GLIS3: variants seen among roughly 807,000 people sequenced by gnomAD.
GLIS3 encodes the protein GLIS family zinc finger 3.
A neutral mutation model predicts 78.6 loss-of-function variants in GLIS3; 53 were observed. The observed-to-expected ratio is 0.67, with a 90% CI of 0.54 to 0.85. The LOEUF (loss-of-function observed/expected upper bound fraction) is 0.85. Ranked by LOEUF, GLIS3 falls within the 40% of genes least tolerant of loss-of-function variation. The pLI, the probability that GLIS3 is intolerant of heterozygous loss-of-function variation, is 0.00. For missense variants in GLIS3, 1,703 were observed against 1,231.1 expected, an observed-to-expected ratio of 1.38 and a Z score of -5.74; for synonymous variants, 684 against 509.9, an observed-to-expected ratio of 1.34 and a Z score of -4.60.
chr9:4,136,543 T>A (rs1366952330), intron 2 of GLIS3, among the ~76,000 whole-genome samples: 3 of 152,146 alleles, frequency 2.0e-5, no homozygotes, highest in Non-Finnish European at 2.9e-5. Flanking sequence ...CCAAATAATA[T>A]TTAAAGTACA....
chr9:4,274,370 C>G (rs1826798548), intron 2 of GLIS3, among the ~76,000 whole-genome samples: 1 of 152,072 alleles, frequency 6.6e-6, no homozygotes, highest in Non-Finnish European at 1.5e-5. Flanking sequence ...TCATTTGCTA[C>G]TTAACATTGA....
At chr9:4,436,169 G>C in the GLIS3 span, among the ~76,000 whole-genome samples, 1 of 152,136 alleles carries the variant, frequency 6.6e-6, no homozygotes, top group Non-Finnish European at 1.5e-5. Context: ...CATAGTTACA[G>C]ATATGAAGAT....
At chr9:4,233,048 TAAG>T (rs1277104175) in intron 2 of GLIS3, among the ~76,000 whole-genome samples, 1 of 152,184 alleles carries the variant, frequency 6.6e-6, no homozygotes, top group Non-Finnish European at 1.5e-5. Context: ...CTTATATTAA[TAAG>T]GAGGATGAGC....
intron 2 of GLIS3, among the ~76,000 whole-genome samples, chr9:4,332,925 T>C (rs879433761): frequency 6.6e-6 from 1 of 152,252 alleles, no homozygotes; most frequent in African/African-American, 2.4e-5. Flanking sequence ...TTTATTATTG[T>C]GACTAACAGG....
chr9:4,293,035 G>A (rs1816159146), intron 1 of GLIS3, among the ~76,000 whole-genome samples: 1 of 152,132 alleles, frequency 6.6e-6, no homozygotes, highest in African/African-American at 2.4e-5. Flanking sequence ...ATAACTGGCT[G>A]GAGATGTTTC....
chr9:4,198,063 G>A (rs1013772440), intron 2 of GLIS3, among the ~76,000 whole-genome samples: 1 of 152,068 alleles, frequency 6.6e-6, no homozygotes, highest in Non-Finnish European at 1.5e-5. Context: ...AGATGAGAAG[G>A]AACCAGTGCA....
At chr9:4,197,914 G>GAAGGGAGGGGAAAGGGA (rs1563740348) in intron 2 of GLIS3, among the ~76,000 whole-genome samples, 2 of 151,798 alleles carry the variant, frequency 1.3e-5, no homozygotes, top group African/African-American at 4.8e-5. Flanking sequence ...CGCCCCCTAG[G>GAAGGGAGGGGAAAGGGA]AAGGGAGGGG....
At chr9:4,060,521 T>A (rs1166598556) in intron 4 of GLIS3, among the ~76,000 whole-genome samples, 1 of 152,198 alleles carries the variant, frequency 6.6e-6, no homozygotes, top group Non-Finnish European at 1.5e-5. Context: ...ATGACAGCTC[T>A]GCCCTCATGA....
intron 5 of GLIS3, among the ~76,000 whole-genome samples, chr9:3,933,618 C>T (rs1364929245): frequency 6.6e-6 from 1 of 152,114 alleles, no homozygotes; most frequent in Non-Finnish European, 1.5e-5. Context: ...TAGAGCTGTG[C>T]TTGTATGATG....
chr9:4,180,439 C>T (rs1169307941), intron 2 of GLIS3, among the ~76,000 whole-genome samples: 1 of 152,190 alleles, frequency 6.6e-6, no homozygotes, highest in Non-Finnish European at 1.5e-5. Flanking sequence ...TCTGTTTCCT[C>T]ATCAGCAAGG....
chr9:4,419,010 T>A, the GLIS3 span, among the ~76,000 whole-genome samples: 1 of 152,190 alleles, frequency 6.6e-6, no homozygotes, highest in Non-Finnish European at 1.5e-5. Context: ...TTTGGAAATA[T>A]GACACAGGCC....
chr9:4,162,993 G>T (rs1040304077), intron 2 of GLIS3, among the ~76,000 whole-genome samples: 3 of 151,966 alleles, frequency 2.0e-5, no homozygotes, highest in African/African-American at 7.3e-5. Context: ...CCTAAGTAGG[G>T]TACTTTCTAC....
At chr9:4,323,880 A>C (rs10814934) in intron 2 of GLIS3, among the ~76,000 whole-genome samples, 32,688 of 152,144 alleles carry the variant, frequency 0.21, 3,768 homozygotes, top group East Asian at 0.37. Flanking sequence ...TATTCAGTAC[A>C]TCTAACTAAA....
chr9:3,965,558 TATC>T (rs934903478), intron 4 of GLIS3, among the ~76,000 whole-genome samples: 50 of 152,342 alleles, frequency 3.3e-4, no homozygotes, highest in African/African-American at 1.1e-3. Context: ...CCTATGTCTT[TATC>T]ATCAACAGTC....
chr9:4,386,795 T>C, the GLIS3 span, among the ~76,000 whole-genome samples: 1 of 152,180 alleles, frequency 6.6e-6, no homozygotes, highest in Non-Finnish European at 1.5e-5. Context: ...AAAGTGTGAA[T>C]TGGCCTTATG....
chr9:4,221,933 G>C (rs1310219429), intron 2 of GLIS3, among the ~76,000 whole-genome samples: 2 of 152,172 alleles, frequency 1.3e-5, no homozygotes, highest in East Asian at 1.9e-4. Context: ...AAGAGTCTGG[G>C]CTCCATCCTA....
chr9:4,184,078 A>T (rs1207866361), intron 2 of GLIS3, among the ~76,000 whole-genome samples: 1 of 152,202 alleles, frequency 6.6e-6, no homozygotes, highest in East Asian at 1.9e-4. Flanking sequence ...CTGAAAAAAA[A>T]TTTTAACTTA....
Position 3,860,272 on chromosome 9 carries a change from C to CAAAAAAA in GLIS3, c.2298-4095_2298-4089dup, listed in dbSNP as rs59923144. On this transcript the variant is annotated intron_variant, in intron 8 of 10. Coordinates refer to ENST00000381971, the MANE Select transcript of GLIS3 (RefSeq NM_001042413.2). ...CCTGGGTGACAGAGCAAGACTCTGTCAAAAAAAAAAAAAAAAAAAAAAAAA... is the reference window on the plus strand; with the variant it reads ...CCTGGGTGACAGAGCAAGACTCTGTCAAAAAAAAAAAAAAAAAAAAAAAAAAAAAAAA... Among the ~76,000 whole-genome samples, 30 of 53,606 alleles carry CAAAAAAA rather than the reference C, an allele frequency of 5.6e-4. 3 individuals carry two copies. The highest frequency in any genetic ancestry group is 4.0e-3 in the East Asian group (6 of 1,512). 35.2% of individuals were successfully genotyped at this position (53,606 alleles called of 152,430 possible).
At chr9:4,371,693 C>T in the GLIS3 span, among the ~76,000 whole-genome samples, 1 of 152,130 alleles carries the variant, frequency 6.6e-6, no homozygotes, top group Non-Finnish European at 1.5e-5. Flanking sequence ...ACTCACTACT[C>T]CATTGTGGCA....
Sources: allele counts gnomAD v4.1 joint callset (sites outside exome capture counted in the v4.1 genomes callset), GRCh38; gene constraint gnomAD v4.1.1; transcripts MANE v1.5; gene names NCBI Gene and HGNC (gene_info 2026-07-23, HGNC 2026-07-21).